The following ACSF3 variants were observed in gnomAD, a reference collection of about 807,000 sequenced individuals.
ACSF3 encodes acyl-CoA synthetase family member 3.
Under a neutral mutation model 53.2 loss-of-function variants are expected in ACSF3, and 78 were observed. The ratio of observed to expected loss-of-function variants is 1.47; its 90% CI spans 1.22 to 1.77. The LOEUF (loss-of-function observed/expected upper bound fraction) is 1.77, where lower values mean the gene tolerates loss of function less well. ACSF3 is among the 40% of genes most tolerant of loss of function. ACSF3 has a pLI of 0.00. For missense variants in ACSF3, 937 were observed against 771.1 expected (o/e 1.22, Z -2.55); for synonymous variants, 414 against 333.1 (o/e 1.24, Z -2.65).
At chr16:89,130,610 C>T (rs898660289) in intron 7 of ACSF3, among the ~76,000 whole-genome samples, 2 of 152,084 alleles carry the variant, frequency 1.3e-5, no homozygotes, top group Admixed American at 6.6e-5. Flanking sequence ...CCACTTCTTT[C>T]CGGCCTCCAT....
In ACSF3 at chr16:89,101,326, G is replaced by C. The variant is rs772996642; in HGVS notation, c.645G>C (p.Thr215=). ...TTGRPKGVLS[T]HQNIRAVVTG... is the part of the protein sequence containing the mutation. ...GGAGGCCCAAGGGCGTGCTGAGCACGCACCAAAACATCAGGGCTGTGGTGA... is the reference window on the plus strand; with the variant it reads ...GGAGGCCCAAGGGCGTGCTGAGCACCCACCAAAACATCAGGGCTGTGGTGA... Residue 215 remains threonine (T), a synonymous_variant, in exon 3 of 11, where the codon ACG becomes ACC. Coordinates refer to ENST00000614302, the MANE Select transcript of ACSF3 (RefSeq NM_001243279.3). 3 of 1,592,620 alleles carry C rather than the reference G, an allele frequency of 1.9e-6. No individual in the cohort carries two copies. The highest frequency in any genetic ancestry group is 2.6e-6 in the Non-Finnish European group (3 of 1,170,190).
In ACSF3 at chr16:89,101,152, C is replaced by T; in HGVS notation, c.471C>T (p.Ser157=). ...LASQEYLELL[S]PVVRKLGVPL... is the part of the protein sequence containing the mutation. Reference sequence around the variant, plus strand: ...GCCAGGAGTACCTGGAGCTCCTGAGCCCGGTGGTCAGGAAGCTGGGGGTCC... The same window carrying T: ...GCCAGGAGTACCTGGAGCTCCTGAGTCCGGTGGTCAGGAAGCTGGGGGTCC... Residue 157 remains serine (S), a synonymous_variant, in exon 3 of 11, where the codon AGC becomes AGT. Transcript: ENST00000614302. 1 of 1,613,700 alleles carries T rather than the reference C, an allele frequency of 6.2e-7. No individual in the cohort carries two copies. The highest frequency in any genetic ancestry group is 8.5e-7 in the Non-Finnish European group (1 of 1,179,904).
rs149321245 is a variant in ACSF3 at position 89,115,596 on chromosome 16, G to C, written c.1126+1109G>C. Among the ~76,000 whole-genome samples the C allele has an allele frequency of 5.3e-5, 8 of 152,372 alleles. No individual in the cohort carries two copies. The East Asian group carries it at 1.5e-3, about 29-fold the overall frequency. On this transcript the variant is annotated intron_variant, in intron 6 of 10. Coordinates refer to ENST00000614302, the MANE Select transcript of ACSF3 (RefSeq NM_001243279.3). ...GAGATGTTATCAACATTTGTGTGCA[G>C]GTTTCTGTGCGAACGTGGTTTTTTA...
In ACSF3 at chr16:89,125,698, A is replaced by AAGAG. The variant is rs56085364; in HGVS notation, c.1239+4803_1239+4806dup. Reference sequence around the variant, plus strand: ...AGAGTGAGACTGCCTCAAAAAAAAAAAGAGAGAGAGAGAGAGAGAGATGTT... The same window carrying AAGAG: ...AGAGTGAGACTGCCTCAAAAAAAAAAAGAGAGAGAGAGAGAGAGAGAGAGATGTT... On this transcript the variant is annotated intron_variant, in intron 7 of 10. Transcript: ENST00000614302. Among the ~76,000 whole-genome samples the AAGAG allele has an allele frequency of 2.0e-3, 298 of 147,906 alleles. 3 individuals carry two copies. The highest frequency in any genetic ancestry group is 3.5e-3 in the African/African-American group (141 of 40,268).
chr16:89,129,920 G>A (rs1056227915), intron 7 of ACSF3, among the ~76,000 whole-genome samples: 1 of 152,202 alleles, frequency 6.6e-6, no homozygotes, highest in Non-Finnish European at 1.5e-5. Flanking sequence ...TGCCTTTAGA[G>A]TGTAGTCAGT....
At position 89,155,108 on chromosome 16, in the gene ACSF3, C is replaced by G. The variant is rs1414963467; in HGVS notation, c.*901C>G. On this transcript the variant is annotated 3_prime_UTR_variant, in exon 11 of 11. Transcript: ENST00000614302. ...AGGTGTGTTGTGAATGTTGGGTGCACCCACGTTGCATTTACTTAGCGGGGC... is the reference window on the plus strand; with the variant it reads ...AGGTGTGTTGTGAATGTTGGGTGCAGCCACGTTGCATTTACTTAGCGGGGC... The G allele has an allele frequency of 2.2e-6, 1 of 454,126 alleles. No individual in the cohort carries two copies. Among genetic ancestry groups the G allele is most frequent in the Non-Finnish European group, 4.4e-6 (1 of 226,800 alleles). 28.1% of individuals were successfully genotyped at this position (454,126 alleles called of 1,614,324 possible). A position where few individuals can be genotyped will look rare whatever the true frequency, so the allele number is the denominator to read the frequency against.
At chr16:89,121,004 C>A in intron 7 of ACSF3, 91 bp downstream of exon 7, 3 of 1,180,462 alleles carry the variant, frequency 2.5e-6, no homozygotes, top group Non-Finnish European at 1.2e-6. Flanking sequence ...CCCCTGGAGG[C>A]AGACTCCCCT....
chr16:89,121,440 C>A (rs116551253), intron 7 of ACSF3, among the ~76,000 whole-genome samples: 105 of 152,250 alleles, frequency 6.9e-4, no homozygotes, highest in Admixed American at 4.5e-3. Flanking sequence ...TTGTCTTGTG[C>A]GTTATTCTAA....
At chr16:89,113,902 G>C (rs1353250111) in intron 5 of ACSF3, 2 of 320,990 alleles carry the variant, frequency 6.2e-6, no homozygotes, top group Non-Finnish European at 1.2e-5. Flanking sequence ...CCTGCAAGCT[G>C]AGCCGGCTGT....
chr16:89,099,293 C>A (rs1428478435), intron 2 of ACSF3, among the ~76,000 whole-genome samples: 1 of 152,270 alleles, frequency 6.6e-6, no homozygotes, highest in East Asian at 1.9e-4. Flanking sequence ...CAGGCGGAGG[C>A]ACCCTGGCTT....
chr16:89,108,147 C>T (rs1316776382), intron 4 of ACSF3, among the ~76,000 whole-genome samples: 1 of 152,184 alleles, frequency 6.6e-6, no homozygotes, highest in African/African-American at 2.4e-5. Flanking sequence ...TCAATTACCT[C>T]CCCCTGGGCA....
chr16:89,136,705 G>C (rs956790563), intron 8 of ACSF3: 72 of 1,287,124 alleles, frequency 5.6e-5, no homozygotes, highest in Non-Finnish European at 7.0e-5. Context: ...TTTGATGCCA[G>C]CCGCTCCTGC....
At chr16:89,123,062 A>G (rs1482516898) in intron 7 of ACSF3, among the ~76,000 whole-genome samples, 1 of 152,170 alleles carries the variant, frequency 6.6e-6, no homozygotes, top group Non-Finnish European at 1.5e-5. Context: ...ATCTCAGCGT[A>G]CGGGGGGTTT....
At chr16:89,128,193 G>A (rs767359355) in intron 7 of ACSF3, among the ~76,000 whole-genome samples, 7 of 150,908 alleles carry the variant, frequency 4.6e-5, no homozygotes, top group Admixed American at 2.0e-4. Flanking sequence ...AATGACGTAC[G>A]TTGCCCTTAA....
chr16:89,155,067 T>C lies in ACSF3; in HGVS notation c.*860T>C. ...CTCCGGAGCCCACAGGCGTGGCCGA[T>C]GCAGAAACCTCAGGAAGGTGTGTTG... On this transcript the variant is annotated 3_prime_UTR_variant, in exon 11 of 11. Transcript: ENST00000614302. The C allele has an allele frequency of 2.2e-6, 1 of 454,108 alleles. No individual in the cohort carries two copies. Among genetic ancestry groups the C allele is most frequent in the Non-Finnish European group, 4.4e-6 (1 of 226,804 alleles). 28.1% of individuals were successfully genotyped at this position (454,108 alleles called of 1,614,324 possible).
chr16:89,130,157 T>A (rs1247166298), intron 7 of ACSF3, among the ~76,000 whole-genome samples: 1 of 152,266 alleles, frequency 6.6e-6, no homozygotes, highest in African/African-American at 2.4e-5. Flanking sequence ...AGATCAGATC[T>A]GCTTGCAACA....
chr16:89,136,113 G>A (rs1910408215), intron 8 of ACSF3, among the ~76,000 whole-genome samples: 1 of 152,214 alleles, frequency 6.6e-6, no homozygotes, highest in African/African-American at 2.4e-5. Context: ...AGCTGAAGAC[G>A]TTTTCTTCTT....
chr16:89,145,211 CAG>C (rs1356125874), intron 8 of ACSF3, 54 bp from the exon 9 acceptor site: 2 of 1,613,682 alleles, frequency 1.2e-6, no homozygotes, highest in East Asian at 2.2e-5. Flanking sequence ...CCCTTTTCCT[CAG>C]GGGACACCGT....
chr16:89,097,609 C>T (rs1283022332), intron 1 of ACSF3, among the ~76,000 whole-genome samples: 6 of 152,208 alleles, frequency 3.9e-5, no homozygotes. Context: ...GGTGGGGCCG[C>T]CCTGGTTTGC....
Sources: gnomAD v4.1 joint callset for allele counts (sites outside exome capture counted in the v4.1 genomes callset) on GRCh38, gnomAD v4.1.1 for gene constraint, MANE v1.5 for transcripts, NCBI Gene and HGNC (gene_info 2026-07-23, HGNC 2026-07-21) for gene names.